ZDHHC21: variants seen among roughly 807,000 people sequenced by gnomAD.
ZDHHC21 encodes the protein palmitoyltransferase ZDHHC21.
In ZDHHC21, 15 loss-of-function variants were observed where a neutral mutation model predicts 34.6. The ratio of observed to expected loss-of-function variants is 0.43; its 90% CI spans 0.29 to 0.67. The LOEUF (loss-of-function observed/expected upper bound fraction) is 0.67. Ranked by LOEUF, ZDHHC21 falls within the 30% of genes least tolerant of loss-of-function variation. ZDHHC21 has a pLI of 0.14. For synonymous variants in ZDHHC21, 142 were observed against 101.8 expected, an observed-to-expected ratio of 1.40 and a Z score of -2.38; for missense variants, 344 against 327.7, an observed-to-expected ratio of 1.05 and a Z score of -0.38.
chr9:14,640,937 G>C (rs1371518625), intron 7 of ZDHHC21, among the ~76,000 whole-genome samples: 2 of 152,116 alleles, frequency 1.3e-5, no homozygotes, highest in South Asian at 2.1e-4. Flanking sequence ...GAAGGAGAGA[G>C]AGATGAAGAA....
At chr9:14,639,109 G>C (rs897790721) in intron 8 of ZDHHC21, among the ~76,000 whole-genome samples, 3 of 152,026 alleles carry the variant, frequency 2.0e-5, no homozygotes, top group Non-Finnish European at 2.9e-5. Context: ...ATCAACCTAA[G>C]TGTCTATCAA....
At chr9:14,603,384 C>T in the ZDHHC21 span, among the ~76,000 whole-genome samples, 27 of 152,116 alleles carry the variant, frequency 1.8e-4, no homozygotes, top group South Asian at 4.2e-3. Context: ...GTAAATCCTC[C>T]TGAAATTTTT....
intron 8 of ZDHHC21, 97 bp from the exon 9 acceptor site, chr9:14,619,779 T>C (rs1197071663): frequency 2.8e-6 from 2 of 707,708 alleles, no homozygotes; most frequent in Non-Finnish European, 4.1e-6. Context: ...TCCAAAAATA[T>C]TCTATAGATT....
intron 7 of ZDHHC21, among the ~76,000 whole-genome samples, chr9:14,648,421 T>C (rs1830641971): frequency 6.6e-6 from 1 of 152,052 alleles, no homozygotes; most frequent in African/African-American, 2.4e-5. Context: ...TCCAGTCCAA[T>C]CACAGCCCTT....
At chr9:14,595,285 A>G in the ZDHHC21 span, among the ~76,000 whole-genome samples, 1 of 152,204 alleles carries the variant, frequency 6.6e-6, no homozygotes, top group African/African-American at 2.4e-5. Context: ...CAAATGGATA[A>G]GCAAAATGTG....
chr9:14,606,735 T>C (rs566013162), downstream of ZDHHC21, among the ~76,000 whole-genome samples: 210 of 152,036 alleles, frequency 1.4e-3, 2 homozygotes, highest in Non-Finnish European at 2.3e-3. Flanking sequence ...TAGAAACCTA[T>C]TAAATAGATT....
chr9:14,604,729 T>C, the ZDHHC21 span, among the ~76,000 whole-genome samples: 1 of 152,186 alleles, frequency 6.6e-6, no homozygotes, highest in Non-Finnish European at 1.5e-5. Flanking sequence ...AGATCAATCC[T>C]CTTAGTAAAT....
the ZDHHC21 span, among the ~76,000 whole-genome samples, chr9:14,603,791 T>G: frequency 6.6e-6 from 1 of 152,164 alleles, no homozygotes; most frequent in Admixed American, 6.5e-5. Flanking sequence ...TACAATCAAG[T>G]GGATCCTGAA....
At chr9:14,685,495 C>T (rs1210257144) in intron 2 of ZDHHC21, among the ~76,000 whole-genome samples, 1 of 151,734 alleles carries the variant, frequency 6.6e-6, no homozygotes, top group East Asian at 1.9e-4. Flanking sequence ...AAATCAAAAC[C>T]ACAATGACAT....
At position 14,628,972 on chromosome 9, in the gene ZDHHC21, A is replaced by G. The variant is rs1826821083; in HGVS notation, c.622-9290T>C. On this transcript the variant is annotated intron_variant, in intron 8 of 9. Transcript: ENST00000380916. ...TTTTTAATTTCTTTTTTAAACCCCA[A>G]AAGGGTAACGCTTGAGGTTCACTAT... 2.6e-5 allele frequency among the ~76,000 whole-genome samples: 4 copies of G among 152,308 alleles called. No homozygotes were observed. The South Asian group carries it at 6.2e-4, about 24-fold the overall frequency.
intron 8 of ZDHHC21, among the ~76,000 whole-genome samples, chr9:14,628,753 T>TA (rs1481323270): frequency 6.6e-6 from 1 of 152,234 alleles, no homozygotes; most frequent in Admixed American, 6.5e-5. Context: ...ATCTTAATTT[T>TA]ATCACAAAAC....
intron 7 of ZDHHC21, among the ~76,000 whole-genome samples, chr9:14,656,522 TAGGAAGCAA>T (rs1240277373): frequency 6.6e-6 from 1 of 151,908 alleles, no homozygotes; most frequent in African/African-American, 2.4e-5. Flanking sequence ...GATTCCTCAA[TAGGAAGCAA>T]AATGGTCCTG....
intron 2 of ZDHHC21, among the ~76,000 whole-genome samples, chr9:14,685,209 T>A (rs1838098562): frequency 6.6e-6 from 1 of 151,664 alleles, no homozygotes; most frequent in Non-Finnish European, 1.5e-5. Flanking sequence ...AAACGGGATC[T>A]AATTAAACTA....
At chr9:14,601,684 G>C in the ZDHHC21 span, among the ~76,000 whole-genome samples, 19 of 152,142 alleles carry the variant, frequency 1.2e-4, 1 homozygote, top group Admixed American at 3.3e-4. Flanking sequence ...CTACTATAAA[G>C]ACACATGTGC....
intron 3 of ZDHHC21, among the ~76,000 whole-genome samples, chr9:14,674,888 G>A (rs1187691088): frequency 1.3e-5 from 2 of 151,952 alleles, no homozygotes; most frequent in Non-Finnish European, 2.9e-5. Flanking sequence ...GTTGGGAAAC[G>A]TTCCATATCT....
rs895691556 is a variant in ZDHHC21 at position 14,618,793 on chromosome 9, T to G, written c.*173A>C. ...TAAAACTTAAATATAGATCTTGTATTAGTCCCACAACAGGATCAAGATCAC... is the reference window on the plus strand; with the variant it reads ...TAAAACTTAAATATAGATCTTGTATGAGTCCCACAACAGGATCAAGATCAC... On this transcript the variant is annotated 3_prime_UTR_variant, in exon 10 of 10. Coordinates refer to ENST00000380916, the MANE Select transcript of ZDHHC21 (RefSeq NM_178566.6). The G allele has an allele frequency of 1.8e-6, 1 of 556,698 alleles. No individual in the cohort carries two copies. The allele number at this position is 556,698 out of a possible 1,614,324, so 34.5% of individuals were successfully genotyped here. A position where few individuals can be genotyped will look rare whatever the true frequency, so the allele number is the denominator to read the frequency against.
At chr9:14,692,717 G>A (rs1250469484) in intron 1 of ZDHHC21, among the ~76,000 whole-genome samples, 1 of 152,106 alleles carries the variant, frequency 6.6e-6, no homozygotes, top group Non-Finnish European at 1.5e-5. Context: ...GAGGAGAGGA[G>A]TGAGAAGGTC....
intron 5 of ZDHHC21, among the ~76,000 whole-genome samples, chr9:14,671,611 T>C (rs1397220432): frequency 6.6e-6 from 1 of 152,064 alleles, no homozygotes; most frequent in Non-Finnish European, 1.5e-5. Flanking sequence ...GCATTTTTTT[T>C]AACTTGAAAG....
rs761693500 is a variant in ZDHHC21 at position 14,662,287 on chromosome 9, A to T, written c.293T>A (p.Met98Lys). 1 of 1,612,348 alleles carries T rather than the reference A, an allele frequency of 6.2e-7. No homozygotes were observed. Among genetic ancestry groups the T allele is most frequent in the South Asian group, 1.1e-5 (1 of 90,750 alleles). ...FWELCNKCNLMRPKRSHHCSR... is the reference protein window; with the variant it reads ...FWELCNKCNLKRPKRSHHCSR... ...ACAGTGATGGGAACGCTTTGGTCTC[A>T]TCAAATTACACTTGTTACATAATTC... The change falls in exon 6 of 10, where the codon ATG (methionine) becomes AAG (lysine). Residue 98 changes from methionine (M) to lysine (K), a missense_variant. Met to Lys is a moderately conservative substitution (Grantham distance 95). Coordinates refer to ENST00000380916, the MANE Select transcript of ZDHHC21 (RefSeq NM_178566.6).
Sources: gnomAD v4.1 joint callset for allele counts (sites outside exome capture counted in the v4.1 genomes callset) on GRCh38, gnomAD v4.1.1 for gene constraint, MANE v1.5 for transcripts, NCBI Gene and HGNC (gene_info 2026-07-23, HGNC 2026-07-21) for gene names.